The following CARMIL1 variants were observed in gnomAD, a reference collection of about 807,000 sequenced individuals.
The protein encoded by CARMIL1 is capping protein regulator and myosin 1 linker 1, also known as F-actin-uncapping protein LRRC16A.
Under a neutral mutation model 177.1 loss-of-function variants are expected in CARMIL1, and 90 were observed. The observed-to-expected ratio is 0.51, with a 90% CI of 0.43 to 0.61. The LOEUF is 0.61. Among genes scored for constraint, CARMIL1 ranks in the 20% least tolerant of loss-of-function variants. The probability of loss-of-function intolerance (pLI) is 0.00; values close to 1 mark genes in which losing one functional copy is unlikely to be tolerated. For synonymous variants in CARMIL1, 577 were observed against 606.2 expected, an observed-to-expected ratio of 0.95 and a Z score of 0.71; for missense variants, 1,380 against 1,667.0, an observed-to-expected ratio of 0.83 and a Z score of 3.00.
chr6:25,612,046 G>T (rs1397071383), intron 36 of CARMIL1, among the ~76,000 whole-genome samples: 1 of 152,200 alleles, frequency 6.6e-6, no homozygotes, highest in Non-Finnish European at 1.5e-5. Flanking sequence ...CTTCTTTCCA[G>T]TCAGACGGTA....
chr6:25,306,878 G>GTTTT, intron 2 of CARMIL1, among the ~76,000 whole-genome samples: 2 of 127,292 alleles, frequency 1.6e-5, no homozygotes, highest in Admixed American at 7.8e-5. Flanking sequence ...CAGTGCCTTG[G>GTTTT]CTTTTTTTTT....
chr6:25,354,711 A>G (rs1788413207), intron 2 of CARMIL1, among the ~76,000 whole-genome samples: 1 of 152,218 alleles, frequency 6.6e-6, no homozygotes, highest in Non-Finnish European at 1.5e-5. Context: ...TTCCTGAGCT[A>G]ATAGACCACA....
chr6:25,368,002 T>C (rs921457924), intron 2 of CARMIL1, among the ~76,000 whole-genome samples: 4 of 152,216 alleles, frequency 2.6e-5, no homozygotes, highest in Admixed American at 2.0e-4. Context: ...TCAAGTGATC[T>C]GCCTGCCTTG....
At position 25,604,841 on chromosome 6, in the gene CARMIL1, T is replaced by G; in HGVS notation, c.3582T>G (p.Asp1194Glu). 1 of 1,596,838 alleles carries G rather than the reference T, an allele frequency of 6.3e-7. No individual in the cohort carries two copies. Among genetic ancestry groups the G allele is most frequent in the Non-Finnish European group, 8.5e-7 (1 of 1,172,136 alleles). Residue 1194 changes from aspartate to glutamate, a missense_variant, in exon 34 of 37, where the codon GAT (aspartate) becomes GAG (glutamate). Asp to Glu is a conservative substitution (Grantham distance 45, BLOSUM62 2). Coordinates refer to ENST00000329474, the MANE Select transcript of CARMIL1 (RefSeq NM_017640.6). ...TTGGGAATGATGCCGTATCCCAGGA[T>G]TCTTCCAGCCCAGCTTTGAGCGGCG... ...KKLGNDAVSQDSSSPALSGVE... is the reference protein window; with the variant it reads ...KKLGNDAVSQESSSPALSGVE...
At chr6:25,304,455 G>C (rs1392428529) in intron 2 of CARMIL1, among the ~76,000 whole-genome samples, 1 of 152,170 alleles carries the variant, frequency 6.6e-6, no homozygotes, top group African/African-American at 2.4e-5. Flanking sequence ...GGATGGTTTT[G>C]GGATAAACTG....
At chr6:25,314,094 C>G (rs1784070121) in intron 2 of CARMIL1, among the ~76,000 whole-genome samples, 1 of 150,398 alleles carries the variant, frequency 6.6e-6, no homozygotes, top group South Asian at 2.1e-4. Context: ...AGTCTGAACT[C>G]TAAACTCTTT....
At chr6:25,327,175 T>C (rs1010733357) in intron 2 of CARMIL1, among the ~76,000 whole-genome samples, 2 of 151,486 alleles carry the variant, frequency 1.3e-5, no homozygotes, top group African/African-American at 4.9e-5. Flanking sequence ...AGGAGAGAGA[T>C]AGCAAGGAGA....
intron 11 of CARMIL1, among the ~76,000 whole-genome samples, chr6:25,473,967 A>G (rs938270228): frequency 6.6e-6 from 1 of 152,206 alleles, no homozygotes; most frequent in Non-Finnish European, 1.5e-5. Context: ...TTGAATTCTT[A>G]GTAGAACACT....
rs1449982678 is a variant in CARMIL1, at chr6:25,610,065, C to T, written c.3863C>T (p.Ser1288Phe). The T allele has an allele frequency of 1.9e-6, 3 of 1,613,924 alleles. No homozygotes were observed. The highest frequency in any genetic ancestry group is 2.5e-6 in the Non-Finnish European group (3 of 1,179,852). ...GTCTCCTTAGATGACATTCCAGACTCTCCATCTAGCCCGAAAGTTGCCCTT... is the reference window on the plus strand; with the variant it reads ...GTCTCCTTAGATGACATTCCAGACTTTCCATCTAGCCCGAAAGTTGCCCTT... ...TASRPDDIPD[S>F]PSSPKVALLP... The change falls in exon 36 of 37, where the codon TCT becomes TTT. Residue 1288 changes from serine (S) to phenylalanine (F), a missense_variant. By Grantham distance (155) the Ser-to-Phe change is radical. Coordinates refer to ENST00000329474, the MANE Select transcript of CARMIL1 (RefSeq NM_017640.6).
chr6:25,433,527 TTA>T (rs1796988426), intron 4 of CARMIL1, among the ~76,000 whole-genome samples: 1 of 152,176 alleles, frequency 6.6e-6, no homozygotes, highest in Non-Finnish European at 1.5e-5. Flanking sequence ...TTAAAACATC[TTA>T]TAGACTACTG....
rs9379767 is a variant in CARMIL1 at position 25,427,277 on chromosome 6, T to C, written c.249+717T>C. Among the ~76,000 whole-genome samples the C allele has an allele frequency of 1.6e-3, 251 of 152,266 alleles. 5 individuals carry two copies. In the East Asian group the frequency reaches 0.043, roughly 26 times the overall value. ...GTGGTTTGCTGCACCTATCCATCCA[T>C]CACCTAGGTATTAAGCCCAGCACGC... is the stretch of plus-strand genomic sequence containing the variant. On this transcript the variant is annotated intron_variant, in intron 4 of 36. Transcript: ENST00000329474.
chr6:25,462,394 C>T (rs1370072628), intron 8 of CARMIL1, among the ~76,000 whole-genome samples: 1 of 151,978 alleles, frequency 6.6e-6, no homozygotes, highest in Non-Finnish European at 1.5e-5. Flanking sequence ...TTTTGTATTC[C>T]CCCTACCTCA....
rs141812186 is a variant in CARMIL1 at position 25,380,205 on chromosome 6, C to T, written c.139-39909C>T. ...AAATAACTTTAGCTTAGTAAATCTCCGACGTTATTTTAAAAACACAGTATT... is the reference window on the plus strand; with the variant it reads ...AAATAACTTTAGCTTAGTAAATCTCTGACGTTATTTTAAAAACACAGTATT... On this transcript the variant is annotated intron_variant, in intron 2 of 36. Transcript: ENST00000329474. Among the ~76,000 whole-genome samples, 218 of 152,150 alleles carry T rather than the reference C, an allele frequency of 1.4e-3. 2 individuals carry two copies. The highest frequency in any genetic ancestry group is 4.2e-3 in the African/African-American group (173 of 41,502).
chr6:25,411,442 T>C (rs1011338874), intron 2 of CARMIL1, among the ~76,000 whole-genome samples: 1 of 152,222 alleles, frequency 6.6e-6, no homozygotes, highest in African/African-American at 2.4e-5. Context: ...TTACTCTGAC[T>C]TTAAAATACA....
chr6:25,290,956 A>G (rs12205303), intron 2 of CARMIL1, among the ~76,000 whole-genome samples: 10,459 of 152,156 alleles, frequency 0.069, 419 homozygotes, highest in Non-Finnish European at 0.094. Context: ...ACATGCCACC[A>G]TGCCTGCCTA....
intron 23 of CARMIL1, among the ~76,000 whole-genome samples, chr6:25,522,396 T>C (rs1806663080): frequency 6.6e-6 from 1 of 152,202 alleles, no homozygotes; most frequent in Non-Finnish European, 1.5e-5. Context: ...ACTCTTTTGT[T>C]TTGACCTGTC....
chr6:25,464,117 C>T lies in CARMIL1; in HGVS notation c.615-1756C>T, dbSNP rs547801475. Among the ~76,000 whole-genome samples the T allele has an allele frequency of 2.6e-4, 40 of 152,220 alleles. No homozygotes were observed. The South Asian group carries it at 4.8e-3, about 18-fold the overall frequency. ...GATTACAGGCGTGAGCCACTGCGCC[C>T]GGCCAGTTGTTCTCCTTTTTAATCT... On this transcript the variant is annotated intron_variant, in intron 8 of 36. Transcript: ENST00000329474.
At chr6:25,520,651 A>G (rs1253330048) in intron 23 of CARMIL1, among the ~76,000 whole-genome samples, 1 of 152,180 alleles carries the variant, frequency 6.6e-6, no homozygotes, top group African/African-American at 2.4e-5. Context: ...ACTGAGTATC[A>G]GTTTGCACAG....
chr6:25,490,698 AAAATAAATAAATAAATAAAT>A (rs199709831), intron 13 of CARMIL1, among the ~76,000 whole-genome samples: 1,753 of 125,044 alleles, frequency 0.014, 13 homozygotes, highest in South Asian at 0.035. Flanking sequence ...ACCCTGTCTT[AAAATAAATAAATAAATAAAT>A]AAATAAATAA....
Sources: gnomAD v4.1 joint callset for allele counts (sites outside exome capture counted in the v4.1 genomes callset) on GRCh38, gnomAD v4.1.1 for gene constraint, MANE v1.5 for transcripts, NCBI Gene and HGNC (gene_info 2026-07-23, HGNC 2026-07-21) for gene names.